Variants in KLKB1 observed in about 807,000 individuals in gnomAD.
KLKB1 encodes plasma kallikrein.
A neutral mutation model predicts 73.6 loss-of-function variants in KLKB1; 58 were observed. The observed-to-expected ratio is 0.79, with a 90% confidence interval of 0.64 to 0.98. The LOEUF (loss-of-function observed/expected upper bound fraction) is 0.98. KLKB1 is among the 50% of genes least tolerant of loss of function. The pLI, the probability that KLKB1 is intolerant of heterozygous loss-of-function variation, is 0.00. For synonymous variants in KLKB1, 280 were observed against 258.1 expected (o/e 1.08, Z -0.81); for missense variants, 737 against 763.8 (o/e 0.96, Z 0.41).
chr4:186,211,218 A>G (rs1003249063), intron 2 of KLKB1: 1 of 153,050 alleles, frequency 6.5e-6, no homozygotes, highest in African/African-American at 2.4e-5. Context: ...TCAGCACCCA[A>G]ATAAACATCT....
chr4:186,215,090 T>C (rs1169622328), intron 2 of KLKB1, among the ~76,000 whole-genome samples: 1 of 152,236 alleles, frequency 6.6e-6, no homozygotes, highest in East Asian at 1.9e-4. Context: ...TTGGGATAAC[T>C]TTGTTCCTTC....
chr4:186,231,218 G>C (rs937337442), intron 2 of KLKB1, among the ~76,000 whole-genome samples: 1 of 152,194 alleles, frequency 6.6e-6, no homozygotes, highest in Non-Finnish European at 1.5e-5. Flanking sequence ...CCAGGGAATG[G>C]ACAGGTTGTC....
chr4:186,229,409 T>C (rs1737289524), intron 2 of KLKB1, among the ~76,000 whole-genome samples: 1 of 152,228 alleles, frequency 6.6e-6, no homozygotes, highest in Non-Finnish European at 1.5e-5. Context: ...TTATTAACTG[T>C]GGACACTCTT....
chr4:186,218,506 T>A (rs997226226), intron 2 of KLKB1, among the ~76,000 whole-genome samples: 10 of 152,344 alleles, frequency 6.6e-5, no homozygotes, highest in Middle Eastern at 3.4e-3. Context: ...TACCTTTTTT[T>A]ATGTATCATT....
chr4:186,223,854 T>C (rs1737083916), upstream of KLKB1, among the ~76,000 whole-genome samples: 1 of 152,142 alleles, frequency 6.6e-6, no homozygotes. Context: ...TGCCAAACAA[T>C]GGGGAAATGT....
At chr4:186,257,886 A>G in intron 14 of KLKB1, 135 bp from the exon 15 acceptor site, 1 of 853,906 alleles carries the variant, frequency 1.2e-6, no homozygotes, top group Non-Finnish European at 1.9e-6. Flanking sequence ...GATGAAACCC[A>G]TCTCTACAAA....
At chr4:186,219,308 T>C (rs571427394) in intron 2 of KLKB1, among the ~76,000 whole-genome samples, 1 of 152,266 alleles carries the variant, frequency 6.6e-6, no homozygotes, top group South Asian at 2.1e-4. Context: ...CCTTGTCTAC[T>C]TGAACCCATA....
intron 6 of KLKB1, among the ~76,000 whole-genome samples, chr4:186,247,143 C>T (rs936537294): frequency 5.9e-5 from 9 of 152,154 alleles, no homozygotes; most frequent in African/African-American, 1.9e-4. Context: ...GGATCTTTCT[C>T]ATGGAGCAAA....
chr4:186,237,043 T>G, intron 5 of KLKB1, 103 bp downstream of exon 5: 1 of 1,107,362 alleles, frequency 9.0e-7, no homozygotes, highest in Non-Finnish European at 1.4e-6. Flanking sequence ...CAAACAGGGC[T>G]TTTATTCTAA....
chr4:186,240,562 A>G (rs575819533), intron 6 of KLKB1, among the ~76,000 whole-genome samples: 2 of 152,194 alleles, frequency 1.3e-5, no homozygotes, highest in South Asian at 4.1e-4. Context: ...GCATGTCAGG[A>G]TGTTAATGAC....
intron 12 of KLKB1, 108 bp from the exon 13 acceptor site, chr4:186,255,884 T>C: frequency 1.3e-6 from 1 of 767,830 alleles, no homozygotes; most frequent in Non-Finnish European, 2.2e-6. Flanking sequence ...AAATTATTCT[T>C]GATGCTACTC....
upstream of KLKB1, among the ~76,000 whole-genome samples, chr4:186,224,158 G>C (rs1358300825): frequency 3.3e-5 from 5 of 152,376 alleles, no homozygotes; most frequent in Middle Eastern, 3.4e-3. Context: ...AGGATGTGTG[G>C]AAACACCTGG....
In KLKB1 at chr4:186,252,088, G is replaced by T. The variant is rs778761546; in HGVS notation, c.1216G>T (p.Val406Leu). ...NSSWGEWPWQ[V>L]SLQVKLTAQR... ...TTCTTGGGGAGAGTGGCCCTGGCAG[G>T]TGAGCCTGCAGGTGAAGCTGACAGC... Residue 406 changes from valine (V) to leucine (L), a missense_variant, in exon 11 of 15, where the codon GTG becomes TTG. By Grantham distance (32) the Val-to-Leu change is conservative (BLOSUM62 1). Coordinates refer to ENST00000264690, the MANE Select transcript of KLKB1 (RefSeq NM_000892.5). 5.6e-6 allele frequency: 9 copies of T among 1,613,964 alleles called. No individual in the cohort carries two copies. The highest frequency in any genetic ancestry group is 1.7e-5 in the Admixed American group (1 of 60,014).
chr4:186,243,643 C>T (rs563539232), intron 6 of KLKB1, among the ~76,000 whole-genome samples: 2 of 152,102 alleles, frequency 1.3e-5, no homozygotes, highest in African/African-American at 4.8e-5. Flanking sequence ...GATGGAGAAC[C>T]CTTGTGTAGT....
Position 186,256,036 on chromosome 4 carries a change from A to G in KLKB1, c.1534A>G (p.Thr512Ala). The G allele has an allele frequency of 6.2e-7, 1 of 1,613,534 alleles. No individual in the cohort carries two copies. The highest frequency in any genetic ancestry group is 8.5e-7 in the Non-Finnish European group (1 of 1,179,418). The change falls in exon 13 of 15, where the codon ACA (threonine) becomes GCA (alanine). Residue 512 changes from threonine to alanine, a missense_variant. Physicochemically the swap from Thr to Ala is moderately conservative, Grantham distance 58. Coordinates refer to ENST00000264690, the MANE Select transcript of KLKB1 (RefSeq NM_000892.5). Reference sequence around the variant, plus strand: ...CCTACCTTCCAAAGGTGACACAAGCACAATTTATACCAACTGTTGGGTAAC... The same window carrying G: ...CCTACCTTCCAAAGGTGACACAAGCGCAATTTATACCAACTGTTGGGTAAC... ...ICLPSKGDTS[T>A]IYTNCWVTGW...
intron 6 of KLKB1, among the ~76,000 whole-genome samples, chr4:186,248,567 GT>G (rs1345970258): frequency 7.5e-6 from 1 of 133,280 alleles, no homozygotes; most frequent in African/African-American, 2.9e-5. Flanking sequence ...TATATACTTA[GT>G]TTGATGAACA....
rs1386190389 is a variant in KLKB1, at chr4:186,258,295, T to A, written c.*83T>A. 8.8e-7 allele frequency: 1 copy of A among 1,136,370 alleles called. No homozygotes were observed. Among genetic ancestry groups the A allele is most frequent in the African/African-American group, 1.5e-5 (1 of 65,144 alleles). 70.4% of individuals were successfully genotyped at this position (1,136,370 alleles called of 1,614,324 possible). A position where few individuals can be genotyped will look rare whatever the true frequency, so the allele number is the denominator to read the frequency against. ...CTGGGGGGTCCTCATCTGCAAAGCATGGAGAGTGGCATCTTCTTTGCATCC... is the reference window on the plus strand; with the variant it reads ...CTGGGGGGTCCTCATCTGCAAAGCAAGGAGAGTGGCATCTTCTTTGCATCC... On this transcript the variant is annotated 3_prime_UTR_variant, in exon 15 of 15. Transcript: ENST00000264690.
chr4:186,256,464 T>A (rs889426654), intron 13 of KLKB1, among the ~76,000 whole-genome samples: 3 of 152,190 alleles, frequency 2.0e-5, no homozygotes, highest in Non-Finnish European at 4.4e-5. Flanking sequence ...CAGGCAGGTG[T>A]GTCGTCTCAC....
At chr4:186,236,055 A>G (rs1202179434) in intron 4 of KLKB1, among the ~76,000 whole-genome samples, 1 of 147,936 alleles carries the variant, frequency 6.8e-6, no homozygotes, top group Non-Finnish European at 1.5e-5. Flanking sequence ...CGGAGCTTGC[A>G]GTGAGTCGAG....
Sources: gnomAD v4.1 joint callset for allele counts (sites outside exome capture counted in the v4.1 genomes callset) on GRCh38, gnomAD v4.1.1 for gene constraint, MANE v1.5 for transcripts, NCBI Gene and HGNC (gene_info 2026-07-23, HGNC 2026-07-21) for gene names.